NEXMIF: variants seen among roughly 807,000 people sequenced by gnomAD.
NEXMIF encodes neurite extension and migration factor, also known as XLMR protein related to neurite extension.
In NEXMIF, 8 loss-of-function variants were observed where a neutral mutation model predicts 62.1. That is an observed-to-expected ratio of 0.13 (90% CI 0.08 to 0.23). The LOEUF (loss-of-function observed/expected upper bound fraction) is 0.23, where lower values mean the gene tolerates loss of function less well. NEXMIF is among the 10% of genes least tolerant of loss of function. NEXMIF has a pLI of 1.00. For synonymous variants in NEXMIF, 404 were observed against 416.6 expected (o/e 0.97, Z 0.37); for missense variants, 976 against 1,113.3 (o/e 0.88, Z 1.75).
chrX:74,897,069 CATATT>C (rs945092045), intron 1 of NEXMIF, among the ~76,000 whole-genome samples: 1 of 111,917 alleles, frequency 8.9e-6, no homozygotes, highest in African/African-American at 3.2e-5. Flanking sequence ...TTTCATATCT[CATATT>C]ATATTGGGAG....
rs776561723 is a variant in NEXMIF at position 74,741,024 on chromosome X, T to C, written c.3533A>G (p.Lys1178Arg). ...TNNKVSKSRK[K>R]SSPSKSGAMN... ...AGCCCCACTCTTGCTGGGTGAACTT[T>C]TCTTTCTTGATTTTGACACTTTGTT... Residue 1178 changes from lysine to arginine, a missense_variant, in exon 3 of 4, where the codon AAA (lysine) becomes AGA (arginine). Lys to Arg is a conservative substitution (Grantham distance 26). This residue lies in a region of NEXMIF where 639 missense variants were observed against 694.5 expected (regional missense o/e 0.92). Coordinates refer to ENST00000055682, the MANE Select transcript of NEXMIF (RefSeq NM_001008537.3). 2.5e-6 allele frequency: 3 copies of C among 1,211,637 alleles called. No homozygotes were observed. The highest frequency in any genetic ancestry group is 4.3e-5 in the Admixed American group (2 of 46,031).
In NEXMIF at chrX:74,885,843, A is replaced by C. The variant is rs775863093; in HGVS notation, c.-48+39040T>G. 1.5e-3 allele frequency among the ~76,000 whole-genome samples: 163 copies of C among 111,531 alleles called. 1 individual carries two copies. The highest frequency in any genetic ancestry group is 0.014 in the Middle Eastern group (3 of 216). ...TACCAAAGCCGGGCAGAGACACAAC[A>C]AAAAAAGAGAATTTTAGACCAATAT... is the stretch of plus-strand genomic sequence containing the variant. On this transcript the variant is annotated intron_variant, in intron 1 of 3. Coordinates refer to ENST00000055682, the MANE Select transcript of NEXMIF (RefSeq NM_001008537.3).
chrX:74,759,430 G>A (rs1359111023), intron 1 of NEXMIF, among the ~76,000 whole-genome samples: 2 of 112,203 alleles, frequency 1.8e-5, no homozygotes, highest in Non-Finnish European at 3.8e-5. Flanking sequence ...TGTTATGGTT[G>A]CTTTTGGCAT....
intron 1 of NEXMIF, among the ~76,000 whole-genome samples, chrX:74,821,090 G>T (rs1241407474): frequency 9.1e-6 from 1 of 110,183 alleles, no homozygotes; most frequent in Non-Finnish European, 1.9e-5. Flanking sequence ...ATGTTGTCCA[G>T]GCTGCTGTCC....
chrX:74,826,585 GT>G (rs1210924401), intron 1 of NEXMIF, among the ~76,000 whole-genome samples: 1 of 111,572 alleles, frequency 9.0e-6, no homozygotes, highest in African/African-American at 3.3e-5. Flanking sequence ...ACTGTTAATT[GT>G]TTCCTTTGCT....
intron 1 of NEXMIF, among the ~76,000 whole-genome samples, chrX:74,836,909 C>T (rs759397909): frequency 9.0e-6 from 1 of 111,019 alleles, no homozygotes; most frequent in Non-Finnish European, 1.9e-5. Flanking sequence ...TCAAGTTTAC[C>T]TAGGACCCCA....
At position 74,900,422 on chromosome X, in the gene NEXMIF, C is replaced by T. The variant is rs1329903389; in HGVS notation, c.-48+24461G>A. On this transcript the variant is annotated intron_variant, in intron 1 of 3. Transcript: ENST00000055682. ...GAGGTTGCAGTGGGCCAAGATCATG[C>T]CACTGCACTCCAGCCTGGCAACAGA... Among the ~76,000 whole-genome samples the T allele has an allele frequency of 4.8e-5, 5 of 104,069 alleles. No homozygotes were observed. The East Asian group carries it at 1.5e-3, about 31-fold the overall frequency. 90.4% of individuals were successfully genotyped at this position (104,069 alleles called of 115,157 possible).
At chrX:74,836,167 C>G (rs963332081) in intron 1 of NEXMIF, among the ~76,000 whole-genome samples, 3 of 112,329 alleles carry the variant, frequency 2.7e-5, no homozygotes, top group African/African-American at 9.7e-5. Context: ...TGAATACTGC[C>G]AGGCCTGTGA....
chrX:74,752,048 C>G (rs146550903), intron 1 of NEXMIF, among the ~76,000 whole-genome samples: 1,790 of 111,155 alleles, frequency 0.016, 19 homozygotes, highest in Non-Finnish European at 0.024. Flanking sequence ...CTCAGGTGAT[C>G]CGGCTGTCTC....
intron 1 of NEXMIF, among the ~76,000 whole-genome samples, chrX:74,861,683 C>A (rs754185033): frequency 9.0e-6 from 1 of 111,726 alleles, no homozygotes; most frequent in South Asian, 3.8e-4. Flanking sequence ...AGATTGGGAG[C>A]TAATATTCAA....
At chrX:74,876,801 C>A (rs1442944324) in intron 1 of NEXMIF, among the ~76,000 whole-genome samples, 2 of 103,653 alleles carry the variant, frequency 1.9e-5, no homozygotes, top group Admixed American at 1.1e-4. Context: ...TTATCAGAGA[C>A]TAGGATTGCA....
chrX:74,900,060 T>A (rs1025474141), intron 1 of NEXMIF, among the ~76,000 whole-genome samples: 1 of 111,704 alleles, frequency 9.0e-6, no homozygotes, highest in East Asian at 2.8e-4. Flanking sequence ...AAAGAAGATA[T>A]ATGAATGGCA....
intron 1 of NEXMIF, among the ~76,000 whole-genome samples, chrX:74,920,248 T>C (rs1337208323): frequency 1.8e-5 from 2 of 110,851 alleles, no homozygotes; most frequent in East Asian, 6.1e-4. Context: ...AGCAACAGTG[T>C]AAAAGTGTTC....
At chrX:74,840,818 T>C (rs2080471562) in intron 1 of NEXMIF, among the ~76,000 whole-genome samples, 1 of 111,352 alleles carries the variant, frequency 9.0e-6, no homozygotes, top group Non-Finnish European at 1.9e-5. Flanking sequence ...TTCTGGGCTT[T>C]CTATTCTGTT....
At chrX:74,878,488 A>C (rs1425094665) in intron 1 of NEXMIF, among the ~76,000 whole-genome samples, 1 of 112,770 alleles carries the variant, frequency 8.9e-6, no homozygotes, top group African/African-American at 3.2e-5. Flanking sequence ...AGAGGCAGGC[A>C]GGCCTCCTTG....
chrX:74,834,105 G>T (rs2080447983), intron 1 of NEXMIF, among the ~76,000 whole-genome samples: 1 of 97,772 alleles, frequency 1.0e-5, no homozygotes, highest in South Asian at 5.0e-4. Context: ...TTGCACTCCA[G>T]CCTGGGCAAC....
intron 1 of NEXMIF, among the ~76,000 whole-genome samples, chrX:74,902,142 A>G (rs1478487831): frequency 1.8e-5 from 2 of 110,175 alleles, no homozygotes; most frequent in African/African-American, 6.6e-5. Flanking sequence ...CAACCTGAGG[A>G]CCCTGGTCAT....
intron 1 of NEXMIF, among the ~76,000 whole-genome samples, chrX:74,910,743 G>A (rs2080786355): frequency 9.0e-6 from 1 of 111,560 alleles, no homozygotes; most frequent in Non-Finnish European, 1.9e-5. Flanking sequence ...CCTTGTCAGA[G>A]ATAATTTGAA....
intron 1 of NEXMIF, among the ~76,000 whole-genome samples, chrX:74,768,490 T>C (rs1032164681): frequency 8.9e-6 from 1 of 112,374 alleles, no homozygotes; most frequent in African/African-American, 3.2e-5. Context: ...TTCAGATCCT[T>C]AAAGAGCTAT....
Sources: allele counts gnomAD v4.1 joint callset (sites outside exome capture counted in the v4.1 genomes callset), GRCh38; gene constraint gnomAD v4.1.1; regional missense constraint gnomAD v4.1.1; transcripts MANE v1.5; gene names NCBI Gene and HGNC (gene_info 2026-07-23, HGNC 2026-07-21).